UGGT2: variants seen among roughly 807,000 people sequenced by gnomAD.
UGGT2 encodes UDP-glucose:glycoprotein glucosyltransferase 2.
Under a neutral mutation model 192.1 loss-of-function variants are expected in UGGT2, and 180 were observed. That is an observed-to-expected ratio of 0.94 (90% CI 0.83 to 1.06). The LOEUF is 1.06. Among genes scored for constraint, UGGT2 ranks in the 50% least tolerant of loss-of-function variants. The pLI, the probability that UGGT2 is intolerant of heterozygous loss-of-function variation, is 0.00. For missense variants in UGGT2, 1,849 were observed against 1,795.7 expected (o/e 1.03, Z -0.54); for synonymous variants, 580 against 591.0 (o/e 0.98, Z 0.27).
At chr13:96,034,085 C>A (rs992212470) in intron 1 of UGGT2, among the ~76,000 whole-genome samples, 2 of 152,152 alleles carry the variant, frequency 1.3e-5, no homozygotes, top group Non-Finnish European at 2.9e-5. Flanking sequence ...ACTTACCCCC[C>A]TCTGAAGCCC....
At chr13:95,914,602 C>A (rs2048618570) in intron 20 of UGGT2, among the ~76,000 whole-genome samples, 1 of 114,212 alleles carries the variant, frequency 8.8e-6, no homozygotes, top group Non-Finnish European at 1.7e-5. Flanking sequence ...TGGTGAAACT[C>A]CATCTCTACT....
chr13:95,966,141 G>A (rs1041662681), intron 12 of UGGT2, among the ~76,000 whole-genome samples: 2 of 152,160 alleles, frequency 1.3e-5, no homozygotes, highest in Non-Finnish European at 2.9e-5. Flanking sequence ...TATAATCAAC[G>A]TTAAGTGTCT....
intron 38 of UGGT2, among the ~76,000 whole-genome samples, chr13:95,820,897 C>T (rs1885444112): frequency 6.6e-6 from 1 of 151,990 alleles, no homozygotes; most frequent in Non-Finnish European, 1.5e-5. Flanking sequence ...GAATAATGGC[C>T]ACCCAGTTGC....
At chr13:95,843,455 T>C (rs575369468) in intron 36 of UGGT2, among the ~76,000 whole-genome samples, 1 of 152,338 alleles carries the variant, frequency 6.6e-6, no homozygotes, top group Non-Finnish European at 1.5e-5. Flanking sequence ...AGATTACTTA[T>C]TTTATTATTA....
chr13:95,946,612 C>A (rs2049880029), intron 15 of UGGT2, among the ~76,000 whole-genome samples: 1 of 152,136 alleles, frequency 6.6e-6, no homozygotes, highest in South Asian at 2.1e-4. Flanking sequence ...CTCAAGCGAT[C>A]CTCCTGCCTT....
At chr13:96,029,953 T>C (rs564999756) in intron 2 of UGGT2, among the ~76,000 whole-genome samples, 3 of 152,308 alleles carry the variant, frequency 2.0e-5, no homozygotes, top group Middle Eastern at 3.4e-3. Context: ...TCTTGGATAC[T>C]TGACATTAAC....
chr13:96,053,281 C>T lies in UGGT2; in HGVS notation c.32G>A (p.Arg11Gln), dbSNP rs1041068571. The T allele has an allele frequency of 3.2e-6, 5 of 1,578,490 alleles. No individual in the cohort carries two copies. The Admixed American group carries it at 8.6e-5, about 27-fold the overall frequency. The change falls in exon 1 of 39, where the codon CGG becomes CAG. Residue 11 changes from arginine (R) to glutamine (Q), a missense_variant. Transcript: ENST00000376747. ...CAGCGCTGTGGAGCCTAGTAGCAGCCGCACCACGTTCGTGGCTTTCGCTGG... is the reference window on the plus strand; with the variant it reads ...CAGCGCTGTGGAGCCTAGTAGCAGCTGCACCACGTTCGTGGCTTTCGCTGG... MAPAKATNVVRLLLGSTALWL... is the reference protein window; with the variant it reads MAPAKATNVVQLLLGSTALWL...
chr13:95,977,259 C>A (rs552902811), intron 10 of UGGT2, among the ~76,000 whole-genome samples: 2 of 152,144 alleles, frequency 1.3e-5, no homozygotes, highest in Non-Finnish European at 2.9e-5. Context: ...TCAGAGTGAA[C>A]AGGCAACCTA....
At chr13:95,943,937 G>A (rs1213780395) in intron 15 of UGGT2, among the ~76,000 whole-genome samples, 5 of 151,768 alleles carry the variant, frequency 3.3e-5, no homozygotes, top group African/African-American at 7.3e-5. Context: ...ATAATAGTTC[G>A]CTAAACATTT....
At chr13:95,884,276 TAA>T (rs981170424) in intron 27 of UGGT2, among the ~76,000 whole-genome samples, 1 of 152,064 alleles carries the variant, frequency 6.6e-6, no homozygotes, top group Non-Finnish European at 1.5e-5. Flanking sequence ...AGAAAAAATG[TAA>T]AGACACCTAG....
chr13:95,871,536 CAG>C (rs1891221441), intron 29 of UGGT2, among the ~76,000 whole-genome samples: 1 of 152,138 alleles, frequency 6.6e-6, no homozygotes, highest in African/African-American at 2.4e-5. Context: ...TTGGGATGCA[CAG>C]AGGACTCATG....
At chr13:95,845,622 C>T (rs1452196965) in intron 36 of UGGT2, among the ~76,000 whole-genome samples, 2 of 151,926 alleles carry the variant, frequency 1.3e-5, no homozygotes, top group Non-Finnish European at 2.9e-5. Flanking sequence ...CCCACATTTC[C>T]CCCTTTTCTA....
chr13:95,902,632 G>C (rs2048139813), intron 21 of UGGT2, among the ~76,000 whole-genome samples: 1 of 151,502 alleles, frequency 6.6e-6, no homozygotes, highest in Non-Finnish European at 1.5e-5. Context: ...TCAACTTTAA[G>C]AATCATGAAG....
chr13:95,830,449 C>A (rs928247082), intron 38 of UGGT2, among the ~76,000 whole-genome samples: 1 of 152,106 alleles, frequency 6.6e-6, no homozygotes, highest in Non-Finnish European at 1.5e-5. Context: ...AATCAAACAA[C>A]CCCATCAAAA....
chr13:96,011,543 G>A (rs2052162323), intron 5 of UGGT2, among the ~76,000 whole-genome samples: 2 of 152,064 alleles, frequency 1.3e-5, no homozygotes, highest in Non-Finnish European at 2.9e-5. Context: ...AGGATTTAGA[G>A]CAGCGAAATT....
intron 36 of UGGT2, among the ~76,000 whole-genome samples, chr13:95,848,678 T>C (rs970468367): frequency 2.6e-5 from 4 of 152,236 alleles, no homozygotes; most frequent in Admixed American, 6.5e-5. Flanking sequence ...TTGATTACTA[T>C]AGCTTTACAG....
In UGGT2 at chr13:95,985,146, G is replaced by A. The variant is rs146251947; in HGVS notation, c.1031+1187C>T. 1.2e-3 allele frequency: 695 copies of A among 581,848 alleles called. 4 individuals are homozygous for A. In the East Asian group the frequency reaches 0.02, roughly 17 times the overall value. 36.0% of individuals were successfully genotyped at this position (581,848 alleles called of 1,614,324 possible). A position where few individuals can be genotyped will look rare whatever the true frequency, so the allele number is the denominator to read the frequency against. ...AATCAACTGTCTGATCAAGACTAAA[G>A]TTATTTTACTTTATTTGTATTTGAT... On this transcript the variant is annotated intron_variant, in intron 9 of 38. Coordinates refer to ENST00000376747, the MANE Select transcript of UGGT2 (RefSeq NM_020121.4).
At chr13:95,981,721 G>A (rs1200160473) in intron 10 of UGGT2, among the ~76,000 whole-genome samples, 1 of 152,180 alleles carries the variant, frequency 6.6e-6, no homozygotes, top group African/African-American at 2.4e-5. Flanking sequence ...TGCTGTAACA[G>A]AAACACATTT....
intron 35 of UGGT2, among the ~76,000 whole-genome samples, chr13:95,853,943 A>G (rs144216093): frequency 5.9e-5 from 9 of 152,266 alleles, no homozygotes; most frequent in Non-Finnish European, 1.2e-4. Flanking sequence ...TTGAAGACAT[A>G]ATCTTAATTT....
Sources: gnomAD v4.1 joint callset for allele counts (sites outside exome capture counted in the v4.1 genomes callset) on GRCh38, gnomAD v4.1.1 for gene constraint, MANE v1.5 for transcripts, NCBI Gene and HGNC (gene_info 2026-07-23, HGNC 2026-07-21) for gene names.